The following KCTD1 variants were observed in gnomAD, a reference collection of about 807,000 sequenced individuals.
KCTD1 encodes the protein potassium channel tetramerization domain containing 1.
A neutral mutation model predicts 66.0 loss-of-function variants in KCTD1; 24 were observed. The observed-to-expected ratio is 0.36, with a 90% confidence interval of 0.26 to 0.51. KCTD1 has a LOEUF of 0.51. Among genes scored for constraint, KCTD1 ranks in the 20% least tolerant of loss-of-function variants. KCTD1 has a pLI of 0.95. For synonymous variants in KCTD1, 511 were observed against 517.2 expected (o/e 0.99, Z 0.16); for missense variants, 943 against 1,205.2 (o/e 0.78, Z 3.22).
At chr18:26,458,827 G>A (rs56219563) in intron 4 of KCTD1, 79,001 of 152,024 alleles carry the variant, frequency 0.52, 24,084 homozygotes, top group East Asian at 0.89. Context: ...ACACTTTTCA[G>A]CTGCTTGAAC....
intron 1 of KCTD1, among the ~76,000 whole-genome samples, chr18:26,560,588 T>G (rs1985824287): frequency 6.6e-6 from 1 of 152,198 alleles, no homozygotes; most frequent in Non-Finnish European, 1.5e-5. Flanking sequence ...CCCACTGCCC[T>G]TAGACTGGCA....
chr18:26,547,218 T>C lies in KCTD1; in HGVS notation c.1319A>G (p.Lys440Arg). 1 of 1,551,316 alleles carries C rather than the reference T, an allele frequency of 6.4e-7. No homozygotes were observed. The highest frequency in any genetic ancestry group is 8.7e-7 in the Non-Finnish European group (1 of 1,146,942). The change falls in exon 1 of 5, where the codon AAG becomes AGG. Residue 440 changes from lysine to arginine, a missense_variant. Lys to Arg is a conservative substitution (Grantham distance 26). Coordinates refer to ENST00000580059, the MANE Select transcript of KCTD1 (RefSeq NM_001142730.3). ...LLGTRMQMLS[K>R]AAKLSKTYTN... is the part of the protein sequence containing the mutation. Reference sequence around the variant, plus strand: ...GTAGGTCTTGGAGAGCTTGGCCGCCTTGGAGAGCATCTGCATCCGAGTGCC... The same window carrying C: ...GTAGGTCTTGGAGAGCTTGGCCGCCCTGGAGAGCATCTGCATCCGAGTGCC...
chr18:26,476,543 G>C lies in KCTD1; in HGVS notation c.2105C>G (p.Ser702Cys). The C allele has an allele frequency of 6.2e-7, 1 of 1,613,282 alleles. No homozygotes were observed. Among genetic ancestry groups the C allele is most frequent in the Non-Finnish European group, 8.5e-7 (1 of 1,179,688 alleles). Residue 702 changes from serine to cysteine, a missense_variant, in exon 3 of 5, where the codon TCC becomes TGC. This residue lies in a region of KCTD1 where 162 missense variants were observed against 232.4 expected (regional missense o/e 0.70). Coordinates refer to ENST00000580059, the MANE Select transcript of KCTD1 (RefSeq NM_001142730.3). This position sits in a 1 kb window ranked among gnomAD's most constrained non-coding sequence, Gnocchi z 4.9. ...GAAATCATCAGGAATGAGGAGTTTG[G>C]ATGTTCGTAGAAAATTCAAGATATA... is the stretch of plus-strand genomic sequence containing the variant. ...FRYILNFLRT[S>C]KLLIPDDFKD...
intron 1 of KCTD1, among the ~76,000 whole-genome samples, chr18:26,596,625 A>G (rs1598959050): frequency 6.6e-6 from 1 of 152,228 alleles, no homozygotes; most frequent in East Asian, 1.9e-4. Context: ...TACCAACAAG[A>G]GCTGGGTAAT....
At chr18:26,595,211 A>C (rs1044533476) in intron 1 of KCTD1, among the ~76,000 whole-genome samples, 1 of 152,082 alleles carries the variant, frequency 6.6e-6, no homozygotes, top group Non-Finnish European at 1.5e-5. Flanking sequence ...ACTACCCCCT[A>C]CCCCATTCCT....
In KCTD1 at chr18:26,569,552, A is replaced by G. The variant is rs1052325552; in HGVS notation, c.-16+59595T>C. ...GGCTGTCAGATTCTTCTTGCAAAGCATTTGGGACACAAATCAGGCAGGTGG... is the reference window on the plus strand; with the variant it reads ...GGCTGTCAGATTCTTCTTGCAAAGCGTTTGGGACACAAATCAGGCAGGTGG... On this transcript the variant is annotated intron_variant, in intron 1 of 4. Transcript: ENST00000317932. Among the ~76,000 whole-genome samples, 7 of 144,940 alleles carry G rather than the reference A, an allele frequency of 4.8e-5. No homozygotes were observed. In the East Asian group the frequency reaches 1.6e-3, roughly 34 times the overall value.
intron 1 of KCTD1, chr18:26,543,746 T>C (rs185354459): frequency 6.6e-6 from 1 of 152,206 alleles, no homozygotes; most frequent in Non-Finnish European, 1.5e-5. Context: ...CTGGAAATAA[T>C]CTAGGTTAGG....
chr18:26,462,868 C>T (rs1382402744), intron 3 of KCTD1, among the ~76,000 whole-genome samples: 1 of 152,122 alleles, frequency 6.6e-6, no homozygotes, highest in Non-Finnish European at 1.5e-5. Flanking sequence ...CTTCAGGCCT[C>T]TGAATTTTCT....
rs143604550 is a variant in KCTD1, at chr18:26,470,628, T to G, written c.2133+5887A>C. 3.3e-3 allele frequency among the ~76,000 whole-genome samples: 498 copies of G among 152,334 alleles called. 2 individuals carry two copies. The highest frequency in any genetic ancestry group is 0.014 in the Middle Eastern group (4 of 294). On this transcript the variant is annotated intron_variant, in intron 3 of 4. Transcript: ENST00000580059. ...TCTCACGTGAGAAAAACAAATCTCC[T>G]ATAGTGTAAGCCGCTGTTAATTGGC...
At chr18:26,642,975 G>A (rs1463633053), upstream of KCTD1, among the ~76,000 whole-genome samples, 1 of 152,302 alleles carries the variant, frequency 6.6e-6, no homozygotes, top group East Asian at 1.9e-4. Flanking sequence ...GGAAGCAGGA[G>A]GCAGGGAGGT....
intron 1 of KCTD1, among the ~76,000 whole-genome samples, chr18:26,620,944 T>G (rs1457162848): frequency 6.6e-6 from 1 of 150,474 alleles, no homozygotes; most frequent in Non-Finnish European, 1.5e-5. Context: ...GCCATTCTCC[T>G]GCCTCAGCCT....
intron 3 of KCTD1, among the ~76,000 whole-genome samples, chr18:26,471,360 G>A (rs1446743643): frequency 6.6e-6 from 1 of 151,816 alleles, no homozygotes; most frequent in Non-Finnish European, 1.5e-5. Flanking sequence ...AACCTCCACC[G>A]CCTATATAAC....
intron 1 of KCTD1, among the ~76,000 whole-genome samples, chr18:26,517,794 A>G (rs1983730955): frequency 6.6e-6 from 1 of 152,180 alleles, no homozygotes; most frequent in African/African-American, 2.4e-5. Context: ...CTGTAAGTCC[A>G]ATAAACTTCT....
At chr18:26,608,010 A>G (rs1336469768) in intron 1 of KCTD1, among the ~76,000 whole-genome samples, 1 of 152,116 alleles carries the variant, frequency 6.6e-6, no homozygotes, top group Non-Finnish European at 1.5e-5. Flanking sequence ...ACCTCAAGCA[A>G]TCTTCCCACC....
chr18:26,493,872 C>A (rs1982335049), intron 2 of KCTD1, among the ~76,000 whole-genome samples: 2 of 152,190 alleles, frequency 1.3e-5, no homozygotes, highest in Admixed American at 6.5e-5. Flanking sequence ...ACCCTAGATG[C>A]CATTAGCAAA....
upstream of KCTD1, chr18:26,548,602 CT>C (rs1985396752): frequency 1.7e-6 from 2 of 1,191,852 alleles, no homozygotes; most frequent in Non-Finnish European, 2.1e-6. Context: ...GCGCTGAGAG[CT>C]TTTGTGTTTA....
chr18:26,641,877 T>C (rs919182260), upstream of KCTD1, among the ~76,000 whole-genome samples: 5 of 152,202 alleles, frequency 3.3e-5, no homozygotes, highest in Admixed American at 6.5e-5. Flanking sequence ...GAAGGAATCT[T>C]CACTCATATA....
chr18:26,589,250 C>G (rs1986543350), intron 1 of KCTD1, among the ~76,000 whole-genome samples: 1 of 152,310 alleles, frequency 6.6e-6, no homozygotes, highest in East Asian at 1.9e-4. Context: ...AGTCTTGGAC[C>G]TTGGGTTGGC....
At chr18:26,632,107 C>T (rs113114602), upstream of KCTD1, among the ~76,000 whole-genome samples, 28,790 of 147,112 alleles carry the variant, frequency 0.2, 2,879 homozygotes, top group Non-Finnish European at 0.21. Context: ...ACATACAGGC[C>T]GGTGCAGTGG....
Sources: gnomAD v4.1 joint callset for allele counts (sites outside exome capture counted in the v4.1 genomes callset) on GRCh38, gnomAD v4.1.1 for gene constraint, gnomAD v4.1.1 regional missense constraint, Gnocchi (gnomAD v3.1) non-coding constraint, MANE v1.5 for transcripts, NCBI Gene and HGNC (gene_info 2026-07-23, HGNC 2026-07-21) for gene names.